The following ADCY2 variants were observed in gnomAD, a reference collection of about 807,000 sequenced individuals.
ADCY2 encodes adenylate cyclase type 2.
In ADCY2, 31 loss-of-function variants were observed where a neutral mutation model predicts 125.2. The ratio of observed to expected loss-of-function variants is 0.25; its 90% CI spans 0.19 to 0.33. ADCY2 has a LOEUF of 0.33. ADCY2 is among the 10% of genes least tolerant of loss of function. The pLI, the probability that ADCY2 is intolerant of heterozygous loss-of-function variation, is 1.00. For synonymous variants in ADCY2, 512 were observed against 548.4 expected (o/e 0.93, Z 0.93); for missense variants, 904 against 1,418.2 (o/e 0.64, Z 5.82).
At chr5:7,739,498 C>T (rs557343432) in intron 14 of ADCY2, among the ~76,000 whole-genome samples, 24 of 151,570 alleles carry the variant, frequency 1.6e-4, no homozygotes, top group African/African-American at 4.8e-4. Context: ...GTCCAAATTT[C>T]GATCTTAGGA....
intron 15 of ADCY2, among the ~76,000 whole-genome samples, chr5:7,754,251 G>C (rs929651483): frequency 6.6e-6 from 1 of 152,120 alleles, no homozygotes; most frequent in Non-Finnish European, 1.5e-5. Context: ...TATTTGACAA[G>C]ATTATCACCA....
At chr5:7,704,330 T>A (rs1345516702) in intron 7 of ADCY2, among the ~76,000 whole-genome samples, 1 of 152,176 alleles carries the variant, frequency 6.6e-6, no homozygotes, top group Non-Finnish European at 1.5e-5. Context: ...AGCACCTCAT[T>A]CCCTGCTAGC....
At chr5:7,635,154 C>T (rs1738451170) in intron 4 of ADCY2, among the ~76,000 whole-genome samples, 1 of 152,038 alleles carries the variant, frequency 6.6e-6, no homozygotes, top group African/African-American at 2.4e-5. Flanking sequence ...GGGTCAAGGA[C>T]TTGGGATGTT....
intron 3 of ADCY2, among the ~76,000 whole-genome samples, chr5:7,534,912 G>A (rs953535106): frequency 1.1e-4 from 16 of 152,126 alleles, no homozygotes; most frequent in Non-Finnish European, 2.1e-4. Flanking sequence ...AGGACCCCTC[G>A]TATCATAGTC....
At chr5:7,459,865 C>T (rs929267814) in intron 2 of ADCY2, among the ~76,000 whole-genome samples, 21 of 137,280 alleles carry the variant, frequency 1.5e-4, no homozygotes, top group African/African-American at 5.5e-4. Context: ...CGGCTCACTG[C>T]AAGCTCTGCC....
chr5:7,708,003 A>G, intron 9 of ADCY2, 165 bp downstream of exon 9: 2 of 724,994 alleles, frequency 2.8e-6, no homozygotes, highest in Admixed American at 3.1e-5. Flanking sequence ...TTTTGTAATT[A>G]TGAATTCAAA....
intron 3 of ADCY2, among the ~76,000 whole-genome samples, chr5:7,606,968 G>T (rs1440457034): frequency 6.6e-6 from 1 of 151,988 alleles, no homozygotes; most frequent in Admixed American, 6.5e-5. Flanking sequence ...CTGTTGCTGC[G>T]GGTCTTCTGA....
intron 3 of ADCY2, among the ~76,000 whole-genome samples, chr5:7,614,098 A>G (rs1323743379): frequency 6.6e-6 from 1 of 152,256 alleles, no homozygotes; most frequent in Non-Finnish European, 1.5e-5. Context: ...TGTTATCCAT[A>G]GTCATCAAAC....
chr5:7,684,261 G>T (rs999712035), intron 4 of ADCY2, among the ~76,000 whole-genome samples: 1 of 152,278 alleles, frequency 6.6e-6, no homozygotes, highest in East Asian at 1.9e-4. Flanking sequence ...GGCTTTGCAG[G>T]TGCACCAGCC....
At chr5:7,676,347 G>A (rs961173902) in intron 4 of ADCY2, among the ~76,000 whole-genome samples, 11 of 152,172 alleles carry the variant, frequency 7.2e-5, no homozygotes, top group Non-Finnish European at 1.2e-4. Context: ...ATAGAGAACA[G>A]AACAGTCCCA....
chr5:7,802,160 G>T lies in ADCY2; in HGVS notation c.2629-58G>T, dbSNP rs1191087610. The T allele has an allele frequency of 1.9e-6, 3 of 1,581,094 alleles. No homozygotes were observed. The Admixed American group carries it at 5.2e-5, about 28-fold the overall frequency. ...CATAAACAAGCCACTTGCCTGTGGA[G>T]TGTTTCTGTTTAAAGGTCAGTCTCC... is the stretch of plus-strand genomic sequence containing the variant. On this transcript the variant is annotated intron_variant, in intron 20 of 24. Transcript: ENST00000338316. This position sits in a 1 kb window ranked among gnomAD's most constrained non-coding sequence, Gnocchi z 4.6.
In ADCY2 at chr5:7,803,920, T is replaced by A. The variant is rs184584633; in HGVS notation, c.2776-665T>A. ...GTCTCGAATATATATATATATATTT[T>A]TATATATATGTGTGTGTGTATATAT... On this transcript the variant is annotated intron_variant, in intron 21 of 24. Transcript: ENST00000338316. Among the ~76,000 whole-genome samples the A allele has an allele frequency of 3.1e-3, 456 of 148,420 alleles. 5 individuals are homozygous for A. The highest frequency in any genetic ancestry group is 0.01 in the African/African-American group (425 of 40,534).
intron 3 of ADCY2, among the ~76,000 whole-genome samples, chr5:7,597,229 A>G (rs903021132): frequency 6.6e-6 from 1 of 152,262 alleles, no homozygotes; most frequent in African/African-American, 2.4e-5. Flanking sequence ...CAGCAGGGCC[A>G]GGGTGAGGCC....
At chr5:7,426,794 A>G (rs1740404337) in intron 2 of ADCY2, among the ~76,000 whole-genome samples, 1 of 152,028 alleles carries the variant, frequency 6.6e-6, no homozygotes, top group Admixed American at 6.6e-5. Flanking sequence ...CACCCTCTGT[A>G]ACGGCTTTGA....
chr5:7,714,930 A>T (rs889023563), intron 11 of ADCY2, among the ~76,000 whole-genome samples: 7 of 152,214 alleles, frequency 4.6e-5, no homozygotes, highest in Non-Finnish European at 2.9e-5. Flanking sequence ...CTGGGGAAGG[A>T]GCCAGGGAGA....
At chr5:7,655,337 A>C (rs1468236545) in intron 4 of ADCY2, among the ~76,000 whole-genome samples, 1 of 152,204 alleles carries the variant, frequency 6.6e-6, no homozygotes, top group African/African-American at 2.4e-5. Flanking sequence ...GGAAGTGTTC[A>C]CTAACACAAT....
chr5:7,488,115 T>G (rs1358313940), intron 2 of ADCY2, among the ~76,000 whole-genome samples: 1 of 152,146 alleles, frequency 6.6e-6, no homozygotes, highest in African/African-American at 2.4e-5. Flanking sequence ...ATAATCCCCA[T>G]GTGTAAAGGG....
rs544080577 is a variant in ADCY2, at chr5:7,671,062, G to A, written c.721-19629G>A. 7.9e-5 allele frequency among the ~76,000 whole-genome samples: 12 copies of A among 152,324 alleles called. No homozygotes were observed. In the East Asian group the frequency reaches 2.3e-3, roughly 29 times the overall value. ...GATTTTAATTATTTTAGAGACAGAT[G>A]TTAGGCAAGAGAGGAATTTTGCAAC... is the stretch of plus-strand genomic sequence containing the variant. On this transcript the variant is annotated intron_variant, in intron 4 of 24. Transcript: ENST00000338316.
intron 3 of ADCY2, among the ~76,000 whole-genome samples, chr5:7,544,604 T>G (rs1735093674): frequency 6.6e-6 from 1 of 152,164 alleles, no homozygotes; most frequent in Non-Finnish European, 1.5e-5. Context: ...CCTTTTGCCA[T>G]GGAAGGCAGC....
Sources: gnomAD v4.1 joint callset for allele counts (sites outside exome capture counted in the v4.1 genomes callset) on GRCh38, gnomAD v4.1.1 for gene constraint, Gnocchi (gnomAD v3.1) non-coding constraint, MANE v1.5 for transcripts, NCBI Gene and HGNC (gene_info 2026-07-23, HGNC 2026-07-21) for gene names.